The following MXD1 variants were observed in gnomAD, a reference collection of about 807,000 sequenced individuals.
The protein encoded by MXD1 is MAX-binding protein.
In MXD1, 9 loss-of-function variants were observed where a neutral mutation model predicts 25.7. The observed-to-expected ratio is 0.35, with a 90% confidence interval of 0.21 to 0.61. MXD1 has a LOEUF of 0.61. MXD1 is among the 20% of genes least tolerant of loss of function. The pLI is 0.75. For missense variants in MXD1, 227 were observed against 292.4 expected (o/e 0.78, Z 1.63); for synonymous variants, 99 against 113.9 (o/e 0.87, Z 0.83).
chr2:69,922,607 C>T (rs572377897), intron 3 of MXD1, among the ~76,000 whole-genome samples: 80 of 152,244 alleles, frequency 5.3e-4, no homozygotes, highest in Admixed American at 3.5e-3. Flanking sequence ...TGGCCAGGTA[C>T]AGTGGCTCAT....
chr2:69,919,840 G>A (rs1677029566), intron 2 of MXD1, among the ~76,000 whole-genome samples: 1 of 151,816 alleles, frequency 6.6e-6, no homozygotes, highest in Admixed American at 6.6e-5. Context: ...TCAGTGTAAA[G>A]CTTTTATTTC....
intron 2 of MXD1, 45 bp from the exon 3 acceptor site, chr2:69,921,691 T>A (rs1226678669): frequency 6.3e-7 from 1 of 1,575,046 alleles, no homozygotes; most frequent in Admixed American, 1.8e-5. Context: ...AGTAGTTCTT[T>A]AAGACAAAAA....
intron 3 of MXD1, among the ~76,000 whole-genome samples, chr2:69,922,571 C>CT (rs1240955270): frequency 6.6e-6 from 1 of 152,126 alleles, no homozygotes; most frequent in Admixed American, 6.5e-5. Flanking sequence ...TATAAAATAA[C>CT]TTTTTATTAT....
At chr2:69,922,068 A>T (rs1009359419) in intron 3 of MXD1, among the ~76,000 whole-genome samples, 4 of 152,212 alleles carry the variant, frequency 2.6e-5, no homozygotes, top group Admixed American at 1.3e-4. Context: ...TAGTGTTTTT[A>T]AAAAAATTAC....
intron 2 of MXD1, among the ~76,000 whole-genome samples, chr2:69,918,178 TG>T (rs1676995909): frequency 6.6e-6 from 1 of 152,242 alleles, no homozygotes; most frequent in Non-Finnish European, 1.5e-5. Flanking sequence ...AATTTTGAAC[TG>T]AGGTAAAGGA....
chr2:69,925,568 C>T (rs1203955733), intron 3 of MXD1, among the ~76,000 whole-genome samples: 2 of 152,044 alleles, frequency 1.3e-5, no homozygotes. Flanking sequence ...TTTTAACCAA[C>T]ATGGGATCAT....
At chr2:69,930,447 T>C (rs901591312) in intron 3 of MXD1, among the ~76,000 whole-genome samples, 4 of 152,206 alleles carry the variant, frequency 2.6e-5, no homozygotes, top group Non-Finnish European at 4.4e-5. Context: ...TGGAATCCTT[T>C]CTACCCCTGA....
intron 3 of MXD1, among the ~76,000 whole-genome samples, chr2:69,931,435 C>G (rs1299584467): frequency 6.6e-6 from 1 of 152,102 alleles, no homozygotes; most frequent in Non-Finnish European, 1.5e-5. Flanking sequence ...CAACGTTTGT[C>G]TTTCTGTGCC....
Position 69,915,973 on chromosome 2 carries a change from C to T in MXD1, c.74-148C>T. 4.6e-6 allele frequency: 3 copies of T among 646,392 alleles called. No individual in the cohort carries two copies. Among genetic ancestry groups the T allele is most frequent in the Admixed American group, 2.9e-5 (1 of 34,166 alleles). 40.0% of individuals were successfully genotyped at this position (646,392 alleles called of 1,614,324 possible). The stretch of plus-strand genomic sequence containing the variant: ...ATATTCACACAATTTTTTTTTAAAT[C>T]ATTGTTCTCAGAATTCCACCTTACT... On this transcript the variant is annotated intron_variant, in intron 1 of 5. Transcript: ENST00000264444. The surrounding 1 kb of genome is among the most constrained non-coding windows in gnomAD (Gnocchi z 5.8).
rs747143734 is a variant in MXD1 at position 69,938,248 on chromosome 2, G to T, written c.630G>T (p.Lys210Asn). The T allele has an allele frequency of 8.1e-6, 13 of 1,614,188 alleles. No individual in the cohort carries two copies. The highest frequency in any genetic ancestry group is 1.1e-5 in the Non-Finnish European group (13 of 1,180,028). Residue 210 changes from lysine to asparagine, a missense_variant, in exon 6 of 6, where the codon AAG becomes AAT. Lys to Asn is a moderately conservative substitution (Grantham distance 94). Coordinates refer to ENST00000264444, the MANE Select transcript of MXD1 (RefSeq NM_002357.4). ...CCAGCACCAGCATCAAGAGAATAAA[G>T]CTGCAGGACAGTCACAAGGCGTGTC... is the stretch of plus-strand genomic sequence containing the variant. ...GYSSTSIKRI[K>N]LQDSHKACLG...
At chr2:69,927,912 T>C (rs553784868) in intron 3 of MXD1, among the ~76,000 whole-genome samples, 65 of 152,294 alleles carry the variant, frequency 4.3e-4, no homozygotes, top group African/African-American at 1.5e-3. Flanking sequence ...TTGGCAATTG[T>C]TTATAAAGGG....
In MXD1 at chr2:69,915,566, C is replaced by T. The variant is rs879613430; in HGVS notation, c.73+163C>T. Among the ~76,000 whole-genome samples the T allele has an allele frequency of 2.0e-4, 30 of 152,196 alleles. No homozygotes were observed. The highest frequency in any genetic ancestry group is 1.2e-3 in the Admixed American group (18 of 15,286). ...CCCCACGCGCGGTCCGAAGGGAAGCCGCCGCTGCCCCAAAGCAATGAATGG... is the reference window on the plus strand; with the variant it reads ...CCCCACGCGCGGTCCGAAGGGAAGCTGCCGCTGCCCCAAAGCAATGAATGG... On this transcript the variant is annotated intron_variant, in intron 1 of 5. Coordinates refer to ENST00000264444, the MANE Select transcript of MXD1 (RefSeq NM_002357.4). This position sits in a 1 kb window ranked among gnomAD's most constrained non-coding sequence, Gnocchi z 5.8.
chr2:69,922,839 C>T (rs1270974039), intron 3 of MXD1, among the ~76,000 whole-genome samples: 2 of 147,634 alleles, frequency 1.4e-5, no homozygotes, highest in Non-Finnish European at 3.0e-5. Flanking sequence ...GAGATCCCGC[C>T]ACTGCACTCC....
intron 2 of MXD1, among the ~76,000 whole-genome samples, 156 bp from the exon 3 acceptor site, chr2:69,921,580 G>GACTAATTT (rs1477868943): frequency 3.3e-5 from 5 of 152,154 alleles, no homozygotes; most frequent in Non-Finnish European, 1.5e-5. Context: ...TCTTCAAATG[G>GACTAATTT]ACTAATTTTT....
chr2:69,933,812 A>G (rs1294885472), intron 3 of MXD1, among the ~76,000 whole-genome samples: 1 of 152,196 alleles, frequency 6.6e-6, no homozygotes, highest in Non-Finnish European at 1.5e-5. Flanking sequence ...AACTTTTGCT[A>G]TTACAGTACA....
chr2:69,921,418 G>A (rs554056121), intron 2 of MXD1, among the ~76,000 whole-genome samples: 5 of 152,142 alleles, frequency 3.3e-5, no homozygotes, highest in African/African-American at 4.8e-5. Context: ...ATTATATAAC[G>A]CAAATTCACA....
chr2:69,935,535 C>T (rs1433785042), intron 4 of MXD1, 70 bp downstream of exon 4: 13 of 1,037,638 alleles, frequency 1.3e-5, no homozygotes, highest in Admixed American at 1.8e-5. Context: ...GTTACATCTC[C>T]AGGACAGTCC....
At chr2:69,937,966 C>G (rs567044677) in intron 5 of MXD1, 131 bp from the exon 6 acceptor site, 1 of 824,854 alleles carries the variant, frequency 1.2e-6, no homozygotes, top group East Asian at 2.7e-5. Flanking sequence ...CAGCTGGTCT[C>G]AAACTCCTAA....
Position 69,916,205 on chromosome 2 carries a change from A to G in MXD1, c.158A>G (p.Asn53Ser), listed in dbSNP as rs1676960436. ...AAACGGAGGAACAAATCCAAAAAGA[A>G]TAACAGCAGTAGCAGGTAATTTGGT... Reference protein sequence around the residue: ...ALKRRNKSKKNNSSSRSTHNE... With the variant: ...ALKRRNKSKKSNSSSRSTHNE... Residue 53 changes from asparagine to serine, a missense_variant, in exon 2 of 6, where the codon AAT (asparagine) becomes AGT (serine). By Grantham distance (46) the Asn-to-Ser change is conservative. Transcript: ENST00000264444. 2 of 1,604,646 alleles carry G rather than the reference A, an allele frequency of 1.2e-6. No individual in the cohort carries two copies. Among genetic ancestry groups the G allele is most frequent in the Non-Finnish European group, 1.7e-6 (2 of 1,171,786 alleles).
Sources: allele counts gnomAD v4.1 joint callset (sites outside exome capture counted in the v4.1 genomes callset), GRCh38; gene constraint gnomAD v4.1.1; non-coding constraint Gnocchi (gnomAD v3.1); transcripts MANE v1.5; gene names NCBI Gene and HGNC (gene_info 2026-07-23, HGNC 2026-07-21).